Variants in SLC25A12 observed in about 807,000 individuals in gnomAD.
The protein encoded by SLC25A12 is solute carrier family 25 member 12, also known as electrogenic aspartate/glutamate antiporter SLC25A12, mitochondrial.
In SLC25A12, 32 loss-of-function variants were observed where a neutral mutation model predicts 83.3. The ratio of observed to expected loss-of-function variants is 0.38; its 90% CI spans 0.29 to 0.52. SLC25A12 has a LOEUF of 0.52. Ranked by LOEUF, SLC25A12 falls within the 20% of genes least tolerant of loss-of-function variation. The probability of loss-of-function intolerance (pLI) is 0.84; values close to 1 mark genes in which losing one functional copy is unlikely to be tolerated. For missense variants in SLC25A12, 611 were observed against 835.6 expected, an observed-to-expected ratio of 0.73 and a Z score of 3.31; for synonymous variants, 267 against 291.1, an observed-to-expected ratio of 0.92 and a Z score of 0.84.
chr2:171,826,091 T>C (rs17581347), intron 9 of SLC25A12, among the ~76,000 whole-genome samples: 32,499 of 152,140 alleles, frequency 0.21, 4,180 homozygotes, highest in East Asian at 0.57. Context: ...CAGTGAATGA[T>C]TTATTTAATT....
At chr2:171,807,326 T>C (rs114071719) in intron 13 of SLC25A12, among the ~76,000 whole-genome samples, 2,848 of 152,172 alleles carry the variant, frequency 0.019, 58 homozygotes, top group Admixed American at 0.067. Flanking sequence ...AGATTTAGAG[T>C]GTCAGCACAA....
intron 9 of SLC25A12, among the ~76,000 whole-genome samples, chr2:171,824,178 G>C (rs1295506981): frequency 6.6e-6 from 1 of 152,190 alleles, no homozygotes; most frequent in Non-Finnish European, 1.5e-5. Context: ...AAAGACCCTT[G>C]AGGCCACCCA....
chr2:171,876,890 T>C (rs1448078861), intron 2 of SLC25A12, among the ~76,000 whole-genome samples: 6 of 152,136 alleles, frequency 3.9e-5, no homozygotes, highest in Admixed American at 3.9e-4. Flanking sequence ...GGGCAAGAAG[T>C]CAAGGACACA....
chr2:171,804,705 A>G (rs1683786377), intron 13 of SLC25A12, among the ~76,000 whole-genome samples: 1 of 152,196 alleles, frequency 6.6e-6, no homozygotes. Context: ...TGAGGCCAGG[A>G]GCTCAAGGCC....
chr2:171,813,544 G>A (rs752052629), intron 10 of SLC25A12, 47 bp from the exon 11 acceptor site: 2 of 1,583,528 alleles, frequency 1.3e-6, no homozygotes, highest in Middle Eastern at 1.7e-4. Flanking sequence ...ACAATTAAAT[G>A]GAGAGTCCAT....
intron 3 of SLC25A12, among the ~76,000 whole-genome samples, chr2:171,868,139 C>A (rs1190941508): frequency 6.6e-6 from 1 of 151,934 alleles, no homozygotes; most frequent in Non-Finnish European, 1.5e-5. Context: ...GCCACCGCGC[C>A]CAGCCTGAAT....
chr2:171,816,061 C>T (rs957864051), intron 9 of SLC25A12, among the ~76,000 whole-genome samples: 3 of 146,614 alleles, frequency 2.0e-5, no homozygotes, highest in Non-Finnish European at 1.5e-5. Context: ...CAAAAATATT[C>T]CTTTTTTTTT....
chr2:171,805,060 T>A (rs1265837916), intron 13 of SLC25A12, among the ~76,000 whole-genome samples: 1 of 152,174 alleles, frequency 6.6e-6, no homozygotes, highest in African/African-American at 2.4e-5. Context: ...GTACGTTAAG[T>A]ATATCTCAAT....
intron 4 of SLC25A12, among the ~76,000 whole-genome samples, chr2:171,851,149 C>T (rs369379931): frequency 1.5e-4 from 23 of 151,750 alleles, no homozygotes; most frequent in Admixed American, 2.6e-4. Flanking sequence ...ATGTTTCATA[C>T]TCATTTTGTT....
intron 15 of SLC25A12, among the ~76,000 whole-genome samples, chr2:171,789,482 C>A (rs1316604457): frequency 6.6e-6 from 1 of 152,112 alleles, no homozygotes; most frequent in African/African-American, 2.4e-5. Flanking sequence ...CCCGCCTTGG[C>A]CTCCCAAAGT....
At chr2:171,799,149 C>A (rs1683659171) in intron 13 of SLC25A12, among the ~76,000 whole-genome samples, 2 of 152,146 alleles carry the variant, frequency 1.3e-5, no homozygotes, top group South Asian at 2.1e-4. Context: ...TCTGCTGGTA[C>A]CTTGATCTTG....
chr2:171,801,825 G>A (rs1683712406), intron 13 of SLC25A12, among the ~76,000 whole-genome samples: 1 of 151,916 alleles, frequency 6.6e-6, no homozygotes, highest in East Asian at 1.9e-4. Context: ...GGTGTATTAA[G>A]TGCACTGTTG....
chr2:171,877,419 C>A (rs1685594162), intron 2 of SLC25A12, among the ~76,000 whole-genome samples: 1 of 152,106 alleles, frequency 6.6e-6, no homozygotes, highest in Non-Finnish European at 1.5e-5. Flanking sequence ...GTAATCCCAG[C>A]ACTTTGGGAG....
At chr2:171,830,040 G>A (rs527727810) in intron 8 of SLC25A12, among the ~76,000 whole-genome samples, 4 of 152,338 alleles carry the variant, frequency 2.6e-5, no homozygotes, top group Non-Finnish European at 4.4e-5. Context: ...AAATCTAGCC[G>A]TGTTTTATGG....
chr2:171,877,364 A>G (rs1056315096), intron 2 of SLC25A12, among the ~76,000 whole-genome samples: 4 of 152,144 alleles, frequency 2.6e-5, no homozygotes, highest in Admixed American at 2.6e-4. Flanking sequence ...ACCTTAAGTG[A>G]CCTTTAGGAT....
intron 3 of SLC25A12, among the ~76,000 whole-genome samples, chr2:171,866,712 C>T (rs866369580): frequency 8.8e-4 from 112 of 127,652 alleles, no homozygotes; most frequent in African/African-American, 1.0e-3. Context: ...TAGGGGCAGC[C>T]GGGCAGAGGC....
chr2:171,804,791 C>T (rs1005202451), intron 13 of SLC25A12, among the ~76,000 whole-genome samples: 5 of 152,154 alleles, frequency 3.3e-5, no homozygotes, highest in Non-Finnish European at 4.4e-5. Flanking sequence ...ACCTGCAGTC[C>T]TAGCTACTCA....
At chr2:171,893,365 CA>C in intron 1 of SLC25A12, 107 bp from the exon 2 acceptor site, 11 of 995,054 alleles carry the variant, frequency 1.1e-5, no homozygotes, top group Middle Eastern at 2.1e-4. Flanking sequence ...TATCTTTTAT[CA>C]TTTAGTTTAA....
chr2:171,844,323 CAGA>C (rs1558928527), intron 5 of SLC25A12, 43 bp downstream of exon 5: 1 of 1,586,996 alleles, frequency 6.3e-7, no homozygotes. Context: ...GCGAAGGACA[CAGA>C]AGAATAGTAT....
Sources: allele counts gnomAD v4.1 joint callset (sites outside exome capture counted in the v4.1 genomes callset), GRCh38; gene constraint gnomAD v4.1.1; transcripts MANE v1.5; gene names NCBI Gene and HGNC (gene_info 2026-07-23, HGNC 2026-07-21).